LSG1: variants seen among roughly 807,000 people sequenced by gnomAD.
The protein encoded by LSG1 is large 60S subunit nuclear export GTPase 1, also known as large subunit GTPase 1 homolog.
A neutral mutation model predicts 82.6 loss-of-function variants in LSG1; 55 were observed. The ratio of observed to expected loss-of-function variants is 0.67; its 90% CI spans 0.54 to 0.83. The LOEUF is 0.83. Ranked by LOEUF, LSG1 falls within the 40% of genes least tolerant of loss-of-function variation. LSG1 has a pLI of 0.00. For synonymous variants in LSG1, 272 were observed against 282.5 expected (o/e 0.96, Z 0.37); for missense variants, 809 against 807.9 (o/e 1.00, Z -0.02).
chr3:194,662,298 A>C (rs1718950149), intron 5 of LSG1, among the ~76,000 whole-genome samples: 1 of 152,238 alleles, frequency 6.6e-6, no homozygotes, highest in Non-Finnish European at 1.5e-5. Flanking sequence ...TGAACTTGAC[A>C]AGTTCCAGGA....
chr3:194,651,231 G>C lies in LSG1; in HGVS notation c.1174-15C>G. 8 of 1,568,954 alleles carry C rather than the reference G, an allele frequency of 5.1e-6. No homozygotes were observed. The highest frequency in any genetic ancestry group is 7.0e-6 in the Non-Finnish European group (8 of 1,138,998). ...GGGTAGCCCACCTAGAAGAGACTCA[G>C]AAGTTACCAAACAGTAAAACAGTAC... On this transcript the variant is annotated splice_polypyrimidine_tract_variant and intron_variant, in intron 8 of 13. Coordinates refer to ENST00000265245, the MANE Select transcript of LSG1 (RefSeq NM_018385.3).
rs1420832102 is a variant in LSG1 at position 194,641,509 on chromosome 3, C to T, written c.*559G>A. The stretch of plus-strand genomic sequence containing the variant: ...GACGTGAGCCCCCGCTGTACACTAA[C>T]TGAACCCAAGTCCCTTGTTTAGAGT... On this transcript the variant is annotated 3_prime_UTR_variant, in exon 14 of 14. Transcript: ENST00000265245. The T allele has an allele frequency of 6.6e-6, 1 of 152,378 alleles. No individual in the cohort carries two copies. Among genetic ancestry groups the T allele is most frequent in the Non-Finnish European group, 1.5e-5 (1 of 68,148 alleles). 9.4% of individuals were successfully genotyped at this position (152,378 alleles called of 1,614,324 possible).
intron 7 of LSG1, among the ~76,000 whole-genome samples, chr3:194,653,638 C>T (rs974824483): frequency 3.9e-5 from 6 of 152,120 alleles, no homozygotes; most frequent in Non-Finnish European, 8.8e-5. Flanking sequence ...TCGAGGGTGG[C>T]GCCCTCCTGG....
intron 10 of LSG1, among the ~76,000 whole-genome samples, chr3:194,649,289 C>T (rs1194671145): frequency 6.6e-6 from 1 of 152,150 alleles, no homozygotes; most frequent in Non-Finnish European, 1.5e-5. Flanking sequence ...ACTGATGCTT[C>T]GTAAAGGGCA....
chr3:194,666,065 AT>A, intron 4 of LSG1, 137 bp downstream of exon 4: 2 of 732,122 alleles, frequency 2.7e-6, no homozygotes, highest in Non-Finnish European at 4.6e-6. Context: ...GCATACATCT[AT>A]TTGCACTTGT....
intron 2 of LSG1, among the ~76,000 whole-genome samples, chr3:194,668,770 A>G (rs757358547): frequency 9.2e-5 from 14 of 152,230 alleles, no homozygotes; most frequent in Non-Finnish European, 1.5e-4. Flanking sequence ...CTGCAGCGCT[A>G]TTCACAAGAG....
chr3:194,666,606 A>G (rs1368549447), intron 2 of LSG1, 34 bp from the exon 3 acceptor site: 1 of 1,582,768 alleles, frequency 6.3e-7, no homozygotes, highest in East Asian at 2.2e-5. Context: ...ATTACTTAAG[A>G]GGCAGTATAG....
Position 194,652,834 on chromosome 3 carries a change from C to T in LSG1, c.1068G>A (p.Gln356=), listed in dbSNP as rs1237687922. The change falls in exon 8 of 14, where the codon CAG becomes CAA. Residue 356 remains glutamine, a synonymous_variant. Coordinates refer to ENST00000265245, the MANE Select transcript of LSG1 (RefSeq NM_018385.3). ...ARSRKTPQKR[Q]IHNFSHLVSK... ...ATACCAGATGGCTAAAATTGTGTAT[C>T]TGCCTCTTCTGTGGGGTTTTCCTGC... 1 of 1,614,124 alleles carries T rather than the reference C, an allele frequency of 6.2e-7. No individual in the cohort carries two copies. The highest frequency in any genetic ancestry group is 2.2e-5 in the East Asian group (1 of 44,872).
chr3:194,663,065 T>C (rs1205318306), intron 5 of LSG1, among the ~76,000 whole-genome samples: 1 of 152,168 alleles, frequency 6.6e-6, no homozygotes, highest in African/African-American at 2.4e-5. Context: ...ATATAGGAAG[T>C]AGGACAAAAT....
chr3:194,658,293 A>C (rs1307620228), intron 7 of LSG1, among the ~76,000 whole-genome samples: 1 of 151,804 alleles, frequency 6.6e-6, no homozygotes, highest in Non-Finnish European at 1.5e-5. Context: ...GATTACAGGC[A>C]CCCGCCACCA....
In LSG1 at chr3:194,641,973, A is replaced by G; in HGVS notation, c.*95T>C. 1 of 1,348,680 alleles carries G rather than the reference A, an allele frequency of 7.4e-7. No individual in the cohort carries two copies. 83.5% of individuals were successfully genotyped at this position (1,348,680 alleles called of 1,614,324 possible). A position where few individuals can be genotyped will look rare whatever the true frequency, so the allele number is the denominator to read the frequency against. ...TCTGCAAGAGCAGGGCCCGTTCTAC[A>G]GTGCTAGTGTCTTGGGACGGTTCCA... is the stretch of plus-strand genomic sequence containing the variant. On this transcript the variant is annotated 3_prime_UTR_variant, in exon 14 of 14. Coordinates refer to ENST00000265245, the MANE Select transcript of LSG1 (RefSeq NM_018385.3).
At chr3:194,651,939 G>A (rs1718682491) in intron 8 of LSG1, among the ~76,000 whole-genome samples, 1 of 152,132 alleles carries the variant, frequency 6.6e-6, no homozygotes, top group Non-Finnish European at 1.5e-5. Context: ...AAAATAAGAT[G>A]CTAATCTACT....
At chr3:194,655,274 C>T (rs1286957365) in intron 7 of LSG1, among the ~76,000 whole-genome samples, 1 of 152,088 alleles carries the variant, frequency 6.6e-6, no homozygotes, top group Non-Finnish European at 1.5e-5. Context: ...GAAAACTGAT[C>T]ATGCAAAAAA....
rs1468957795 is a variant in LSG1, at chr3:194,641,803, A to AC, written c.*264dup. On this transcript the variant is annotated 3_prime_UTR_variant, in exon 14 of 14. Coordinates refer to ENST00000265245, the MANE Select transcript of LSG1 (RefSeq NM_018385.3). ...TAATTTTTTTGTATTTTTAGTAGAG[A>AC]CGGGGTTTCTCCATGTTGGTGCGTG... is the stretch of plus-strand genomic sequence containing the variant. 3.3e-6 allele frequency: 1 copy of AC among 305,486 alleles called. No individual in the cohort carries two copies. Among genetic ancestry groups the AC allele is most frequent in the African/African-American group, 2.2e-5 (1 of 45,320 alleles). The allele number at this position is 305,486 out of a possible 1,614,324, so 18.9% of individuals were successfully genotyped here.
chr3:194,658,783 A>C (rs1718859303), intron 7 of LSG1, among the ~76,000 whole-genome samples, 174 bp downstream of exon 7: 1 of 152,246 alleles, frequency 6.6e-6, no homozygotes, highest in Non-Finnish European at 1.5e-5. Flanking sequence ...CAACAACCAC[A>C]GAGAAAGTAA....
intron 5 of LSG1, among the ~76,000 whole-genome samples, chr3:194,665,229 A>G (rs1719008057): frequency 6.6e-6 from 1 of 152,188 alleles, no homozygotes; most frequent in Admixed American, 6.5e-5. Context: ...TGCTCTTTGC[A>G]GGCAGGAACT....
chr3:194,642,610 G>A (rs1339589692), intron 13 of LSG1, among the ~76,000 whole-genome samples: 1 of 151,774 alleles, frequency 6.6e-6, no homozygotes, highest in Non-Finnish European at 1.5e-5. Context: ...AAAAAAATTA[G>A]TACCCTACGA....
chr3:194,647,030 G>A (rs966281818), intron 11 of LSG1, among the ~76,000 whole-genome samples: 3 of 152,298 alleles, frequency 2.0e-5, no homozygotes, highest in African/African-American at 4.8e-5. Flanking sequence ...GACAGGCTGC[G>A]TTCAAAACTC....
intron 1 of LSG1, 39 bp downstream of exon 1, chr3:194,672,025 A>G: frequency 6.3e-7 from 1 of 1,577,098 alleles, no homozygotes; most frequent in Non-Finnish European, 8.7e-7. Flanking sequence ...CACTCAGGCT[A>G]GACAGAAAAG....
Sources: gnomAD v4.1 joint callset for allele counts (sites outside exome capture counted in the v4.1 genomes callset) on GRCh38, gnomAD v4.1.1 for gene constraint, MANE v1.5 for transcripts, NCBI Gene and HGNC (gene_info 2026-07-23, HGNC 2026-07-21) for gene names.